The following CSMD1 variants were observed in gnomAD, a reference collection of about 807,000 sequenced individuals.
CSMD1 encodes the protein CUB and Sushi multiple domains 1, also known as CUB and sushi domain-containing protein 1.
Under a neutral mutation model 417.5 loss-of-function variants are expected in CSMD1, and 213 were observed. That is an observed-to-expected ratio of 0.51 (90% CI 0.46 to 0.57). CSMD1 has a LOEUF of 0.57. Among genes scored for constraint, CSMD1 ranks in the 20% least tolerant of loss-of-function variants. CSMD1 has a pLI of 0.00. For missense variants in CSMD1, 6,923 were observed against 4,529.7 expected (o/e 1.53, Z -15.17); for synonymous variants, 2,862 against 1,736.8 (o/e 1.65, Z -16.11).
At chr8:3,082,157 A>G (rs893718169) in intron 49 of CSMD1, among the ~76,000 whole-genome samples, 2 of 152,192 alleles carry the variant, frequency 1.3e-5, no homozygotes, top group Non-Finnish European at 2.9e-5. Context: ...GGAAGTCTTC[A>G]TATCCCTCAA....
At chr8:4,263,075 G>A (rs899391931) in intron 3 of CSMD1, among the ~76,000 whole-genome samples, 16 of 152,074 alleles carry the variant, frequency 1.1e-4, no homozygotes, top group African/African-American at 3.9e-4. Flanking sequence ...CACTTTTAAT[G>A]AGATATATTA....
intron 1 of CSMD1, among the ~76,000 whole-genome samples, chr8:4,905,229 T>A (rs1805164340): frequency 6.6e-6 from 1 of 152,148 alleles, no homozygotes; most frequent in African/African-American, 2.4e-5. Flanking sequence ...ACAGGCATTA[T>A]CTCTCCTCCA....
At chr8:3,372,263 G>A (rs1482868850) in intron 18 of CSMD1, among the ~76,000 whole-genome samples, 1 of 152,146 alleles carries the variant, frequency 6.6e-6, no homozygotes, top group Non-Finnish European at 1.5e-5. Context: ...TAGGACCAGG[G>A]CTCAAGCTAC....
intron 1 of CSMD1, among the ~76,000 whole-genome samples, chr8:4,686,529 T>C (rs1806396712): frequency 6.6e-6 from 1 of 152,326 alleles, no homozygotes; most frequent in South Asian, 2.1e-4. Flanking sequence ...GCGAAGAACC[T>C]GAGCAAACAG....
chr8:2,998,233 A>G (rs942465527), intron 53 of CSMD1, 49 bp from the exon 54 acceptor site: 1 of 1,576,874 alleles, frequency 6.3e-7, no homozygotes, highest in African/African-American at 1.3e-5. Context: ...ACAGGTCATC[A>G]CTTTCCCTTG....
chr8:3,469,888 C>G (rs1016714939), intron 11 of CSMD1, among the ~76,000 whole-genome samples: 3 of 152,192 alleles, frequency 2.0e-5, no homozygotes, highest in African/African-American at 7.2e-5. Flanking sequence ...GTATTTCTTT[C>G]TGAAGATTTG....
intron 5 of CSMD1, among the ~76,000 whole-genome samples, chr8:3,909,560 G>A (rs1271912661): frequency 6.6e-6 from 1 of 152,110 alleles, no homozygotes; most frequent in East Asian, 1.9e-4. Context: ...CCCTAGGGAG[G>A]TGGGTGCCTT....
At chr8:4,426,915 T>C (rs1797592188) in intron 2 of CSMD1, among the ~76,000 whole-genome samples, 1 of 151,826 alleles carries the variant, frequency 6.6e-6, no homozygotes, top group South Asian at 2.1e-4. Flanking sequence ...CAGCTTTTTA[T>C]TTTATATAGA....
At chr8:4,798,000 A>C (rs996226239) in intron 1 of CSMD1, among the ~76,000 whole-genome samples, 5 of 152,326 alleles carry the variant, frequency 3.3e-5, no homozygotes, top group Non-Finnish European at 5.9e-5. Context: ...ATTCCAGCCA[A>C]AATCTCGAAG....
At chr8:3,664,905 T>C (rs977415392) in intron 7 of CSMD1, among the ~76,000 whole-genome samples, 1 of 152,110 alleles carries the variant, frequency 6.6e-6, no homozygotes, top group African/African-American at 2.4e-5. Flanking sequence ...AAAAAATACA[T>C]CACAATTTCT....
At chr8:3,324,650 C>T (rs1473111336) in intron 23 of CSMD1, among the ~76,000 whole-genome samples, 1 of 151,876 alleles carries the variant, frequency 6.6e-6, no homozygotes, top group Non-Finnish European at 1.5e-5. Context: ...CACCCCACCC[C>T]AGAGACCCAG....
chr8:3,212,771 G>A (rs542409994), intron 30 of CSMD1, among the ~76,000 whole-genome samples: 35 of 151,978 alleles, frequency 2.3e-4, no homozygotes, highest in Admixed American at 1.7e-3. Flanking sequence ...AGCAGAACAC[G>A]CCAGGGAAGT....
At chr8:3,304,317 GTAA>G (rs1267874641) in intron 25 of CSMD1, among the ~76,000 whole-genome samples, 63 of 152,180 alleles carry the variant, frequency 4.1e-4, no homozygotes, top group Middle Eastern at 6.8e-3. Context: ...ATAAGACTTA[GTAA>G]CCATGCAAGC....
intron 3 of CSMD1, among the ~76,000 whole-genome samples, chr8:4,078,652 C>G (rs1023974991): frequency 3.3e-5 from 5 of 150,012 alleles, no homozygotes; most frequent in African/African-American, 9.9e-5. Context: ...GTATTTCTAA[C>G]TATCCTTTTG....
chr8:3,617,690 G>A (rs780456091), intron 7 of CSMD1, among the ~76,000 whole-genome samples: 4 of 152,162 alleles, frequency 2.6e-5, no homozygotes, highest in Non-Finnish European at 5.9e-5. Context: ...CAGCATGTAT[G>A]CAACAGAAAA....
chr8:3,594,341 G>T (rs925530099), intron 8 of CSMD1, among the ~76,000 whole-genome samples: 1 of 152,038 alleles, frequency 6.6e-6, no homozygotes, highest in African/African-American at 2.4e-5. Context: ...TTTGCCTTTA[G>T]TAAAAAGATA....
At chr8:3,371,976 TTAA>T (rs1265748587) in intron 18 of CSMD1, among the ~76,000 whole-genome samples, 2 of 152,144 alleles carry the variant, frequency 1.3e-5, no homozygotes, top group Non-Finnish European at 2.9e-5. Context: ...TCAGGGATGA[TTAA>T]TAATAAGAGA....
intron 10 of CSMD1, among the ~76,000 whole-genome samples, chr8:3,565,193 G>C (rs1799650291): frequency 1.4e-5 from 1 of 71,178 alleles, no homozygotes; most frequent in African/African-American, 4.9e-5. Flanking sequence ...AAGATACATA[G>C]ATAGACAGAT....
chr8:4,662,404 C>T (rs1288713314), intron 1 of CSMD1, among the ~76,000 whole-genome samples: 1 of 152,144 alleles, frequency 6.6e-6, no homozygotes, highest in African/African-American at 2.4e-5. Context: ...TTAGATTCTA[C>T]AAAAAGACCA....
Sources: gnomAD v4.1 joint callset for allele counts (sites outside exome capture counted in the v4.1 genomes callset) on GRCh38, gnomAD v4.1.1 for gene constraint, MANE v1.5 for transcripts, NCBI Gene and HGNC (gene_info 2026-07-23, HGNC 2026-07-21) for gene names.